The following CTNNA3 variants were observed in gnomAD, a reference collection of about 807,000 sequenced individuals.
CTNNA3 encodes the protein catenin alpha-3.
CTNNA3 carries 76 observed loss-of-function variants against 95.7 expected under a neutral mutation model. The ratio of observed to expected loss-of-function variants is 0.79; its 90% CI spans 0.66 to 0.96. The LOEUF (loss-of-function observed/expected upper bound fraction) is 0.96. Ranked by LOEUF, CTNNA3 falls within the 40% of genes least tolerant of loss-of-function variation. The probability of loss-of-function intolerance (pLI) is 0.00; values close to 1 mark genes in which losing one functional copy is unlikely to be tolerated. For synonymous variants in CTNNA3, 431 were observed against 374.4 expected, an observed-to-expected ratio of 1.15 and a Z score of -1.74; for missense variants, 1,191 against 1,089.8, an observed-to-expected ratio of 1.09 and a Z score of -1.31.
chr10:66,487,676 A>G (rs751512594), intron 11 of CTNNA3, among the ~76,000 whole-genome samples: 1 of 152,194 alleles, frequency 6.6e-6, no homozygotes, highest in Non-Finnish European at 1.5e-5. Flanking sequence ...TCCTGAATAT[A>G]TACAATTTAT....
chr10:66,174,892 G>A lies in CTNNA3; in HGVS notation c.1885-71643C>T, dbSNP rs77389022. Among the ~76,000 whole-genome samples the A allele has an allele frequency of 7.5e-3, 1,147 of 152,112 alleles. 10 individuals are homozygous for A. The highest frequency in any genetic ancestry group is 0.013 in the Non-Finnish European group (900 of 67,968). ...TTTGTTACATTTTCATTTAACAAAT[G>A]AAAAATTCAACCCGTGAATTTAAGT... On this transcript the variant is annotated intron_variant, in intron 13 of 17. Coordinates refer to ENST00000433211, the MANE Select transcript of CTNNA3 (RefSeq NM_013266.4).
chr10:66,400,197 G>A (rs562998111), intron 11 of CTNNA3, among the ~76,000 whole-genome samples: 1 of 151,940 alleles, frequency 6.6e-6, no homozygotes, highest in Admixed American at 6.6e-5. Flanking sequence ...AAATAGAAAA[G>A]AAGAATACAA....
chr10:66,204,010 A>C (rs1163245719), intron 13 of CTNNA3, among the ~76,000 whole-genome samples: 1 of 152,148 alleles, frequency 6.6e-6, no homozygotes, highest in Non-Finnish European at 1.5e-5. Flanking sequence ...TGGAGGTAGG[A>C]CTATGATCAA....
At chr10:67,726,441 T>C (rs1334321859) in intron 1 of CTNNA3, among the ~76,000 whole-genome samples, 1 of 72,442 alleles carries the variant, frequency 1.4e-5, no homozygotes, top group Non-Finnish European at 2.3e-5. Flanking sequence ...TCATATATAA[T>C]ATATAATATT....
At chr10:67,209,373 A>G (rs1367689862) in intron 6 of CTNNA3, among the ~76,000 whole-genome samples, 1 of 152,108 alleles carries the variant, frequency 6.6e-6, no homozygotes, top group East Asian at 1.9e-4. Flanking sequence ...AATGTATGGA[A>G]CAAAATACCA....
At chr10:67,194,890 A>G (rs1196764887) in intron 6 of CTNNA3, among the ~76,000 whole-genome samples, 1 of 152,010 alleles carries the variant, frequency 6.6e-6, no homozygotes, top group Admixed American at 6.6e-5. Flanking sequence ...AAGTCTTAAA[A>G]ATAAGAAAAA....
intron 11 of CTNNA3, among the ~76,000 whole-genome samples, chr10:66,455,065 T>C (rs2093487421): frequency 6.6e-6 from 1 of 152,080 alleles, no homozygotes; most frequent in Non-Finnish European, 1.5e-5. Context: ...TCAGTGTTCA[T>C]TCATTATAGA....
chr10:67,750,347 A>G, intron 1 of CTNNA3: 1 of 1,515,290 alleles, frequency 6.6e-7, no homozygotes, highest in Non-Finnish European at 9.2e-7. Flanking sequence ...GGGCACTTGG[A>G]AGTCTCCTCT....
chr10:66,973,201 TATAA>T (rs1317744098), intron 7 of CTNNA3, among the ~76,000 whole-genome samples: 1 of 152,182 alleles, frequency 6.6e-6, no homozygotes, highest in African/African-American at 2.4e-5. Flanking sequence ...TTAAATCTCT[TATAA>T]ATATCAAAAA....
chr10:67,156,381 T>C (rs1252661433), intron 7 of CTNNA3, among the ~76,000 whole-genome samples: 1 of 152,124 alleles, frequency 6.6e-6, no homozygotes, highest in East Asian at 1.9e-4. Flanking sequence ...TTAGATTATT[T>C]ACTTAAAATA....
intron 13 of CTNNA3, among the ~76,000 whole-genome samples, chr10:66,171,611 G>T (rs1327412459): frequency 6.6e-6 from 1 of 151,944 alleles, no homozygotes; most frequent in East Asian, 1.9e-4. Context: ...TGGACCTTAA[G>T]CATGTGTTCG....
Position 66,646,383 on chromosome 10 carries a change from G to A in CTNNA3, c.1282-24599C>T, listed in dbSNP as rs534721307. 1.7e-3 allele frequency among the ~76,000 whole-genome samples: 265 copies of A among 152,242 alleles called. 3 individuals carry two copies. Among genetic ancestry groups the A allele is most frequent in the African/African-American group, 6.2e-3 (256 of 41,554 alleles). On this transcript the variant is annotated intron_variant, in intron 9 of 17. Transcript: ENST00000433211. ...TTTAACTATGTAGTCATCACAGAAT[G>A]TTATGGGAGCAAAACAATAACTCAG...
intron 5 of CTNNA3, among the ~76,000 whole-genome samples, chr10:67,308,626 G>A (rs1408279627): frequency 6.6e-6 from 1 of 152,148 alleles, no homozygotes; most frequent in Non-Finnish European, 1.5e-5. Flanking sequence ...TGCATAATGA[G>A]TATGGAAAGA....
At chr10:67,757,285 C>G (rs1285864573) in intron 1 of CTNNA3, among the ~76,000 whole-genome samples, 1 of 152,194 alleles carries the variant, frequency 6.6e-6, no homozygotes, top group South Asian at 2.1e-4. Flanking sequence ...TAGATGAGCT[C>G]TCTAAGGTCA....
intron 9 of CTNNA3, among the ~76,000 whole-genome samples, chr10:66,678,810 G>A (rs2132494369): frequency 6.6e-6 from 1 of 152,196 alleles, no homozygotes; most frequent in African/African-American, 2.4e-5. Context: ...TAACTAAGGG[G>A]GGAAAAACAT....
chr10:65,952,017 G>T (rs1054999318), intron 17 of CTNNA3, among the ~76,000 whole-genome samples: 4 of 131,488 alleles, frequency 3.0e-5, no homozygotes, highest in Admixed American at 8.4e-5. Flanking sequence ...GCGACAGAGC[G>T]AGGCTCCGCC....
chr10:67,334,493 C>T (rs1841912361), intron 5 of CTNNA3: 1 of 153,144 alleles, frequency 6.5e-6, no homozygotes, highest in African/African-American at 2.4e-5. Context: ...AACACCTGTC[C>T]TTTGAGCAAG....
chr10:65,966,523 TA>T, intron 17 of CTNNA3, 88 bp downstream of exon 17: 1 of 1,134,694 alleles, frequency 8.8e-7, no homozygotes, highest in Non-Finnish European at 1.2e-6. Flanking sequence ...TAATTTTACC[TA>T]AAAGATTTGG....
intron 7 of CTNNA3, among the ~76,000 whole-genome samples, chr10:67,048,548 T>C (rs1854888662): frequency 6.6e-6 from 1 of 152,000 alleles, no homozygotes; most frequent in Non-Finnish European, 1.5e-5. Flanking sequence ...GGGAAAAATA[T>C]CAAAATACCT....
Sources: gnomAD v4.1 joint callset for allele counts (sites outside exome capture counted in the v4.1 genomes callset) on GRCh38, gnomAD v4.1.1 for gene constraint, MANE v1.5 for transcripts, NCBI Gene and HGNC (gene_info 2026-07-23, HGNC 2026-07-21) for gene names.